Variants in MAPK4 observed in about 807,000 individuals in gnomAD.
MAPK4 encodes mitogen-activated protein kinase 4.
Under a neutral mutation model 47.7 loss-of-function variants are expected in MAPK4, and 22 were observed. The observed-to-expected ratio is 0.46, with a 90% CI of 0.33 to 0.66. MAPK4 has a LOEUF of 0.66. Among genes scored for constraint, MAPK4 ranks in the 30% least tolerant of loss-of-function variants. The pLI is 0.02. For missense variants in MAPK4, 736 were observed against 831.7 expected (o/e 0.88, Z 1.42); for synonymous variants, 390 against 365.7 (o/e 1.07, Z -0.76).
chr18:50,592,024 A>T (rs2042440713), intron 1 of MAPK4, among the ~76,000 whole-genome samples: 1 of 152,158 alleles, frequency 6.6e-6, no homozygotes, highest in South Asian at 2.1e-4. Context: ...GGCCAGAAAG[A>T]CCAAAAAGTC....
At chr18:50,692,380 G>T (rs985331800) in intron 2 of MAPK4, among the ~76,000 whole-genome samples, 5 of 152,138 alleles carry the variant, frequency 3.3e-5, no homozygotes, top group African/African-American at 1.2e-4. Flanking sequence ...ACAGAATTTC[G>T]ACATTCAGGA....
At chr18:50,647,989 G>A (rs2043006857) in intron 1 of MAPK4, among the ~76,000 whole-genome samples, 1 of 151,892 alleles carries the variant, frequency 6.6e-6, no homozygotes, top group South Asian at 2.1e-4. Context: ...ACTTTTTATT[G>A]AGCATATACT....
At chr18:50,680,731 T>C (rs1908542250) in intron 2 of MAPK4, among the ~76,000 whole-genome samples, 1 of 152,248 alleles carries the variant, frequency 6.6e-6, no homozygotes, top group South Asian at 2.1e-4. Context: ...TTTCAAGGTT[T>C]ATCCATGTGA....
chr18:50,705,166 A>G (rs1298175842), intron 2 of MAPK4: 1 of 171,894 alleles, frequency 5.8e-6, no homozygotes. Flanking sequence ...TGGCAATGAA[A>G]CTTCGAGCTA....
intron 2 of MAPK4, chr18:50,704,898 G>A (rs568221189): frequency 5.0e-6 from 2 of 397,696 alleles, no homozygotes; most frequent in Admixed American, 4.4e-5. Context: ...GCAGGTGGCT[G>A]TTATTATTAC....
intron 1 of MAPK4, among the ~76,000 whole-genome samples, chr18:50,648,531 G>A (rs993863999): frequency 6.6e-6 from 1 of 152,162 alleles, no homozygotes; most frequent in African/African-American, 2.4e-5. Context: ...GATGCAGGAG[G>A]GCGGCAGAGA....
chr18:50,562,064 T>A (rs935902882), intron 1 of MAPK4, among the ~76,000 whole-genome samples: 1 of 152,204 alleles, frequency 6.6e-6, no homozygotes, highest in African/African-American at 2.4e-5. Flanking sequence ...GATCATCTGA[T>A]CCAGAAGTTC....
chr18:50,648,504 G>A (rs754272395), intron 1 of MAPK4, among the ~76,000 whole-genome samples: 15 of 152,174 alleles, frequency 9.9e-5, no homozygotes, highest in Non-Finnish European at 1.9e-4. Context: ...TTGAGGAAAG[G>A]AAGACTGATT....
chr18:50,594,185 T>C (rs986284705), intron 1 of MAPK4, among the ~76,000 whole-genome samples: 2 of 152,246 alleles, frequency 1.3e-5, no homozygotes, highest in African/African-American at 4.8e-5. Context: ...TTCTTCCGCC[T>C]GCTTTATTCT....
chr18:50,722,062 G>A lies in MAPK4; in HGVS notation c.816G>A (p.Arg272=). 1.2e-6 allele frequency: 2 copies of A among 1,613,604 alleles called. No homozygotes were observed. The highest frequency in any genetic ancestry group is 4.5e-5 in the East Asian group (2 of 44,830). The change falls in exon 4 of 6, where the codon AGG becomes AGA. Residue 272 remains arginine (R), a synonymous_variant. Coordinates refer to ENST00000400384, the MANE Select transcript of MAPK4 (RefSeq NM_002747.4). Reference sequence around the variant, plus strand: ...TCAGCAGCACCTGGGAGGTGAAGAGGCCTCTGCGCAAGCTGCTCCCTGAAG... The same window carrying A: ...TCAGCAGCACCTGGGAGGTGAAGAGACCTCTGCGCAAGCTGCTCCCTGAAG... ...SFVSSTWEVK[R]PLRKLLPEVN...
chr18:50,576,166 C>T (rs1337182537), intron 1 of MAPK4, among the ~76,000 whole-genome samples: 1 of 151,968 alleles, frequency 6.6e-6, no homozygotes, highest in East Asian at 1.9e-4. Context: ...GAATTTAAAT[C>T]GCTCTTCCAT....
intron 1 of MAPK4, among the ~76,000 whole-genome samples, chr18:50,635,895 G>T (rs2042882943): frequency 6.6e-6 from 1 of 152,278 alleles, no homozygotes; most frequent in African/African-American, 2.4e-5. Flanking sequence ...AAGGCCCATG[G>T]CCTGGTCCAC....
chr18:50,574,209 C>CT (rs1356179480), intron 1 of MAPK4, among the ~76,000 whole-genome samples: 1 of 152,148 alleles, frequency 6.6e-6, no homozygotes, highest in African/African-American at 2.4e-5. Flanking sequence ...TATAGGCTGT[C>CT]TCTCTTTTTG....
chr18:50,726,204 A>T, intron 5 of MAPK4, 29 bp downstream of exon 5: 1 of 1,604,064 alleles, frequency 6.2e-7, no homozygotes, highest in Non-Finnish European at 8.5e-7. Flanking sequence ...TCCAGAGCCC[A>T]CATTTCCCTG....
chr18:50,688,848 TATAACCAAATACC>T (rs1909036283), intron 2 of MAPK4, among the ~76,000 whole-genome samples: 1 of 123,694 alleles, frequency 8.1e-6, no homozygotes, highest in Non-Finnish European at 1.6e-5. Context: ...AACTTACTCA[TATAACCAAATACC>T]ACCTGTTCTC....
rs760280381 is a variant in MAPK4, at chr18:50,713,915, G to T, written c.547-1164G>T. On this transcript the variant is annotated intron_variant, in intron 2 of 5. Transcript: ENST00000400384. ...CTTCTACCAGTTTGAGGCTCTACTC[G>T]GAGGAAATATGTGCCACAGAGGGGA... is the stretch of plus-strand genomic sequence containing the variant. Among the ~76,000 whole-genome samples, 3 of 152,230 alleles carry T rather than the reference G, an allele frequency of 2.0e-5. No homozygotes were observed. In the South Asian group the frequency reaches 6.2e-4, roughly 32 times the overall value.
chr18:50,603,939 T>A (rs903043001), intron 1 of MAPK4, among the ~76,000 whole-genome samples: 1 of 152,194 alleles, frequency 6.6e-6, no homozygotes, highest in Admixed American at 6.5e-5. Flanking sequence ...TATTTGCTCT[T>A]GGTTTACAAG....
intron 1 of MAPK4, among the ~76,000 whole-genome samples, chr18:50,597,042 T>G (rs2042488513): frequency 6.6e-6 from 1 of 152,350 alleles, no homozygotes; most frequent in East Asian, 1.9e-4. Flanking sequence ...TTATGACAAT[T>G]GCATTTACCC....
At chr18:50,572,181 G>A (rs2149358873) in intron 1 of MAPK4, among the ~76,000 whole-genome samples, 1 of 152,308 alleles carries the variant, frequency 6.6e-6, no homozygotes, top group East Asian at 1.9e-4. Context: ...GCCATCTGCT[G>A]TGTAATAAAG....
Sources: allele counts gnomAD v4.1 joint callset (sites outside exome capture counted in the v4.1 genomes callset), GRCh38; gene constraint gnomAD v4.1.1; transcripts MANE v1.5; gene names NCBI Gene and HGNC (gene_info 2026-07-23, HGNC 2026-07-21).